The following ASMT variants were observed in gnomAD, a reference collection of about 807,000 sequenced individuals.
ASMT encodes acetylserotonin O-methyltransferase.
In ASMT, 53 loss-of-function variants were observed where a neutral mutation model predicts 41.3. The observed-to-expected ratio is 1.28, with a 90% confidence interval of 1.03 to 1.61. ASMT has a LOEUF of 1.61. Among genes scored for constraint, ASMT ranks in the 40% most tolerant of loss-of-function variants. ASMT has a pLI of 0.00. For missense variants in ASMT, 531 were observed against 441.3 expected (o/e 1.20, Z -1.82); for synonymous variants, 231 against 184.8 (o/e 1.25, Z -2.03).
chrX:1,623,039 C>A, intron 1 of ASMT, 100 bp from the exon 2 acceptor site: 3 of 1,176,510 alleles, frequency 2.5e-6, no homozygotes, highest in Non-Finnish European at 2.5e-6. Context: ...ATAAATAAAA[C>A]AATGCTTTCC....
chrX:1,632,447 C>A (rs1327237301), intron 5 of ASMT, among the ~76,000 whole-genome samples: 1 of 152,104 alleles, frequency 6.6e-6, no homozygotes, highest in Non-Finnish European at 1.5e-5. Flanking sequence ...GTCAGGAGAT[C>A]GAGACCATCC....
intron 8 of ASMT, 77 bp downstream of exon 8, chrX:1,636,637 G>T (rs1934977403): frequency 1.2e-6 from 2 of 1,610,276 alleles, no homozygotes; most frequent in Admixed American, 1.7e-5. Flanking sequence ...TAGAAGGCAG[G>T]CACTGAAATC....
At position 1,625,551 on chromosome X, in the gene ASMT, A is replaced by AGGGAGGGAAAGGGG. The variant is rs1556100692; in HGVS notation, c.374+1161_374+1162insAAGGGGGGGAGGGA. On this transcript the variant is annotated intron_variant, in intron 3 of 8. Transcript: ENST00000381241. ...GGAGAAGGAAGGAAGGAAGGGAGGG[A>AGGGAGGGAAAGGGG]GGGAGGGAGGGAGGGAGGGAAAGAA... is the stretch of plus-strand genomic sequence containing the variant. Among the ~76,000 whole-genome samples, 7 of 65,314 alleles carry AGGGAGGGAAAGGGG rather than the reference A, an allele frequency of 1.1e-4. No homozygotes were observed. In the East Asian group the frequency reaches 1.8e-3, roughly 17 times the overall value. The allele number at this position is 65,314 out of a possible 152,430, so 42.8% of individuals were successfully genotyped here.
rs1935240969 is a variant in ASMT at position 1,642,826 on chromosome X, A to T, written c.934A>T (p.Ser312Cys). The T allele has an allele frequency of 1.2e-6, 2 of 1,613,804 alleles. No individual in the cohort carries two copies. Among genetic ancestry groups the T allele is most frequent in the Non-Finnish European group, 1.7e-6 (2 of 1,179,824 alleles). Residue 312 changes from serine (S) to cysteine (C), a missense_variant, in exon 9 of 9, where the codon AGC becomes TGC. Coordinates refer to ENST00000381241, the MANE Select transcript of ASMT (RefSeq NM_001171038.2). ...KPGGGILVIE[S>C]LLDEDRRGPL... ...AGGTGGTGGCATTCTGGTAATTGAA[A>T]GCCTCCTGGATGAAGACAGGCGAGG...
chrX:1,632,790 G>A lies in ASMT; in HGVS notation c.646+3G>A, dbSNP rs1457462641. The A allele has an allele frequency of 2.4e-6, 1 of 416,016 alleles. No homozygotes were observed. Among genetic ancestry groups the A allele is most frequent in the East Asian group, 5.1e-5 (1 of 19,668 alleles). The allele number at this position is 416,016 out of a possible 1,614,324, so 25.8% of individuals were successfully genotyped here. A position where few individuals can be genotyped will look rare whatever the true frequency, so the allele number is the denominator to read the frequency against. ...ACACCGCGTGTTCTCACTCATAGGTGGGAACTGAACAATGAGACCACATGG... is the reference window on the plus strand; with the variant it reads ...ACACCGCGTGTTCTCACTCATAGGTAGGAACTGAACAATGAGACCACATGG... On this transcript the variant is annotated splice_donor_region_variant and intron_variant, in intron 6 of 8. Transcript: ENST00000381241.
At chrX:1,616,866 G>T (rs368532947) in intron 1 of ASMT, among the ~76,000 whole-genome samples, 1 of 151,398 alleles carries the variant, frequency 6.6e-6, no homozygotes, top group South Asian at 2.1e-4. Context: ...CCGCCACCAC[G>T]CCCGGCTAAT....
intron 7 of ASMT, among the ~76,000 whole-genome samples, chrX:1,635,880 A>G (rs1478254181): frequency 6.6e-6 from 1 of 151,920 alleles, no homozygotes; most frequent in Non-Finnish European, 1.5e-5. Flanking sequence ...CAAACAAACA[A>G]AAAAACAAAA....
chrX:1,630,011 CTT>C, intron 5 of ASMT, 72 bp downstream of exon 5: 1 of 1,301,200 alleles, frequency 7.7e-7, no homozygotes. Context: ...TTATTCATGT[CTT>C]TTATTTTCTG....
At chrX:1,635,249 G>C (rs1355283898) in intron 7 of ASMT, among the ~76,000 whole-genome samples, 1 of 149,542 alleles carries the variant, frequency 6.7e-6, no homozygotes, top group African/African-American at 2.5e-5. Flanking sequence ...CTCCCAAAGT[G>C]CTGGGATTAC....
At chrX:1,623,051 C>T (rs1329752857) in intron 1 of ASMT, 88 bp from the exon 2 acceptor site, 2 of 1,351,778 alleles carry the variant, frequency 1.5e-6, no homozygotes, top group African/African-American at 2.9e-5. Flanking sequence ...ATGCTTTCCT[C>T]CCTAGCCTGC....
chrX:1,632,227 CA>C (rs1934802546), intron 5 of ASMT, among the ~76,000 whole-genome samples: 1 of 152,072 alleles, frequency 6.6e-6, no homozygotes, highest in Non-Finnish European at 1.5e-5. Flanking sequence ...GCGCCGGCTT[CA>C]AGAACACACA....
intron 1 of ASMT, among the ~76,000 whole-genome samples, chrX:1,616,038 T>A (rs867139906): frequency 4.3e-5 from 6 of 140,072 alleles, no homozygotes; most frequent in Non-Finnish European, 8.1e-5. Context: ...TCCTTTTTTT[T>A]ATTTTTTTGA....
At chrX:1,628,194 G>A (rs1346351132) in intron 4 of ASMT, among the ~76,000 whole-genome samples, 3 of 152,180 alleles carry the variant, frequency 2.0e-5, no homozygotes, top group Non-Finnish European at 4.4e-5. Context: ...GGTGGCGGAC[G>A]CCTGTAATCC....
intron 7 of ASMT, among the ~76,000 whole-genome samples, chrX:1,633,929 C>A (rs1250845816): frequency 6.7e-6 from 1 of 150,286 alleles, no homozygotes; most frequent in East Asian, 1.9e-4. Context: ...TGAACCATCA[C>A]ACCCGGCCTC....
At chrX:1,628,153 T>G (rs1452805390) in intron 4 of ASMT, 1 of 272,222 alleles carries the variant, frequency 3.7e-6, no homozygotes, top group Admixed American at 5.1e-5. Flanking sequence ...AAACCCCGTC[T>G]CTACTAAAAA....
At position 1,623,184 on chromosome X, in the gene ASMT, G is replaced by C. The variant is rs375160719; in HGVS notation, c.115G>C (p.Glu39Gln). ...GCTGGGCGTGTTTGACCTTCTCGCC[G>C]AGGCCCCAGGGCCCCTGGACGTGGC... The part of the protein sequence containing the change: ...CELGVFDLLA[E>Q]APGPLDVAAV... Residue 39 changes from glutamate (E) to glutamine (Q), a missense_variant, in exon 2 of 9, where the codon GAG (glutamate) becomes CAG (glutamine). Transcript: ENST00000381241. The C allele has an allele frequency of 1.5e-5, 25 of 1,613,084 alleles. No homozygotes were observed. The African/African-American group carries it at 2.8e-4, about 18-fold the overall frequency.
intron 1 of ASMT, among the ~76,000 whole-genome samples, chrX:1,621,270 C>G (rs1488800325): frequency 2.0e-5 from 3 of 152,238 alleles, no homozygotes; most frequent in African/African-American, 7.2e-5. Flanking sequence ...CCTTGGCACC[C>G]ATCCAAAACG....
At chrX:1,625,868 T>C (rs1425858241) in intron 3 of ASMT, among the ~76,000 whole-genome samples, 1 of 142,156 alleles carries the variant, frequency 7.0e-6, no homozygotes, top group Non-Finnish European at 1.5e-5. Context: ...GGCAGGAAAA[T>C]GGTGTGAACC....
At chrX:1,636,586 C>T (rs750959621) in intron 8 of ASMT, 26 bp downstream of exon 8, 34 of 1,613,700 alleles carry the variant, frequency 2.1e-5, no homozygotes, top group South Asian at 9.9e-5. Flanking sequence ...TGCATTTCAG[C>T]GTGTGCTTGT....
Sources: allele counts gnomAD v4.1 joint callset (sites outside exome capture counted in the v4.1 genomes callset), GRCh38; gene constraint gnomAD v4.1.1; transcripts MANE v1.5; gene names NCBI Gene and HGNC (gene_info 2026-07-23, HGNC 2026-07-21).